The following MYO5B variants were observed in gnomAD, a reference collection of about 807,000 sequenced individuals.
MYO5B encodes the protein myosin VB.
In MYO5B, 143 loss-of-function variants were observed where a neutral mutation model predicts 229.3. The ratio of observed to expected loss-of-function variants is 0.62; its 90% CI spans 0.54 to 0.72. MYO5B has a LOEUF of 0.72. Ranked by LOEUF, MYO5B falls within the 30% of genes least tolerant of loss-of-function variation. The pLI is 0.00. For missense variants in MYO5B, 2,321 were observed against 2,331.0 expected, an observed-to-expected ratio of 1.00 and a Z score of 0.09; for synonymous variants, 918 against 885.2, an observed-to-expected ratio of 1.04 and a Z score of -0.66.
At chr18:50,129,661 A>G (rs1027868362) in intron 1 of MYO5B, among the ~76,000 whole-genome samples, 1 of 152,186 alleles carries the variant, frequency 6.6e-6, no homozygotes, top group Non-Finnish European at 1.5e-5. Context: ...AAATGTGAAG[A>G]AGTGGAATAA....
chr18:49,951,170 T>G (rs1388385091), intron 14 of MYO5B, among the ~76,000 whole-genome samples: 1 of 152,172 alleles, frequency 6.6e-6, no homozygotes, highest in Non-Finnish European at 1.5e-5. Context: ...GAAGGGACTC[T>G]TGGAAGCTTG....
Position 50,027,043 on chromosome 18 carries a change from T to C in MYO5B, c.455+9807A>G, listed in dbSNP as rs1424585100. 2.6e-5 allele frequency among the ~76,000 whole-genome samples: 4 copies of C among 152,324 alleles called. No individual in the cohort carries two copies. The East Asian group carries it at 7.7e-4, about 29-fold the overall frequency. On this transcript the variant is annotated intron_variant, in intron 4 of 39. Coordinates refer to ENST00000285039, the MANE Select transcript of MYO5B (RefSeq NM_001080467.3). ...ATTGTCAGACTAGGTTTTCAGCTGCTCTGTCTTCTGGGATATAAATGTGAA... is the reference window on the plus strand; with the variant it reads ...ATTGTCAGACTAGGTTTTCAGCTGCCCTGTCTTCTGGGATATAAATGTGAA...
chr18:50,149,863 A>T (rs2032567235), intron 1 of MYO5B, among the ~76,000 whole-genome samples: 1 of 150,684 alleles, frequency 6.6e-6, no homozygotes, highest in African/African-American at 2.4e-5. Context: ...GCTTCTGCAC[A>T]GCAAAAGAAA....
At chr18:49,992,608 T>C (rs1206471023) in intron 5 of MYO5B, among the ~76,000 whole-genome samples, 177 bp from the exon 6 acceptor site, 2 of 152,188 alleles carry the variant, frequency 1.3e-5, no homozygotes, top group Non-Finnish European at 2.9e-5. Context: ...ACTCTTCTTT[T>C]TCCAGCCTCT....
intron 1 of MYO5B, among the ~76,000 whole-genome samples, chr18:50,119,655 A>G (rs960917825): frequency 6.6e-6 from 1 of 152,084 alleles, no homozygotes; most frequent in Admixed American, 6.5e-5. Context: ...AATTATTCAC[A>G]TGTCTCCTTC....
chr18:50,115,830 G>A (rs1007561036), intron 1 of MYO5B, among the ~76,000 whole-genome samples: 1 of 150,720 alleles, frequency 6.6e-6, no homozygotes, highest in African/African-American at 2.4e-5. Context: ...GGAGGGGGGA[G>A]GGTAGTGGTA....
At chr18:50,141,303 A>G (rs555728053) in intron 1 of MYO5B, among the ~76,000 whole-genome samples, 33 of 152,296 alleles carry the variant, frequency 2.2e-4, no homozygotes, top group African/African-American at 7.7e-4. Flanking sequence ...TTTCCTAGAA[A>G]TCTCTGCATA....
intron 1 of MYO5B, among the ~76,000 whole-genome samples, chr18:50,147,449 G>A (rs80312242): frequency 1.9e-3 from 287 of 152,190 alleles, no homozygotes; most frequent in Non-Finnish European, 2.0e-3. Context: ...CAGTCCAGCC[G>A]CCACAGGGTA....
chr18:50,115,913 G>A (rs966227553), intron 1 of MYO5B, among the ~76,000 whole-genome samples: 2 of 152,052 alleles, frequency 1.3e-5, no homozygotes, highest in African/African-American at 4.8e-5. Context: ...ACTTTTAAAC[G>A]AACAGGTTTT....
In MYO5B at chr18:49,847,130, C is replaced by G. The variant is rs1028318385; in HGVS notation, c.4459+16G>C. 1 of 1,613,900 alleles carries G rather than the reference C, an allele frequency of 6.2e-7. No homozygotes were observed. Among genetic ancestry groups the G allele is most frequent in the Admixed American group, 1.7e-5 (1 of 60,004 alleles). On this transcript the variant is annotated intron_variant, in intron 33 of 39. Transcript: ENST00000285039. Reference sequence around the variant, plus strand: ...AGGAGGGGCAGGCAGCATAGGGTGGCACAGAGGGTCCTTACCTGTCACCAG... The same window carrying G: ...AGGAGGGGCAGGCAGCATAGGGTGGGACAGAGGGTCCTTACCTGTCACCAG...
intron 37 of MYO5B, 50 bp from the exon 38 acceptor site, chr18:49,836,935 A>C: frequency 1.9e-6 from 3 of 1,575,662 alleles, no homozygotes; most frequent in Non-Finnish European, 2.6e-6. Flanking sequence ...CTCCTAATTC[A>C]CTGAGAAGGG....
intron 23 of MYO5B, chr18:49,879,496 G>T: frequency 4.0e-6 from 1 of 249,290 alleles, no homozygotes; most frequent in South Asian, 5.7e-5. Flanking sequence ...GGCGACTGGG[G>T]TAAAAGGAAA....
At chr18:50,078,600 A>G (rs2031143198) in intron 1 of MYO5B, among the ~76,000 whole-genome samples, 2 of 152,240 alleles carry the variant, frequency 1.3e-5, no homozygotes, top group African/African-American at 4.8e-5. Context: ...GAAAACAAGC[A>G]TTGGCAAGGA....
At chr18:50,143,520 G>C (rs1395350969) in intron 1 of MYO5B, among the ~76,000 whole-genome samples, 1 of 152,190 alleles carries the variant, frequency 6.6e-6, no homozygotes, top group East Asian at 1.9e-4. Flanking sequence ...TGGGGCATTA[G>C]AGCGGTTGAT....
chr18:49,986,530 TG>T (rs2144303338), intron 7 of MYO5B, among the ~76,000 whole-genome samples: 1 of 152,324 alleles, frequency 6.6e-6, no homozygotes, highest in South Asian at 2.1e-4. Context: ...CCAAGGCACT[TG>T]AACTGAGAGA....
chr18:49,896,762 T>C (rs1406954838), intron 21 of MYO5B, among the ~76,000 whole-genome samples: 1 of 152,168 alleles, frequency 6.6e-6, no homozygotes, highest in Non-Finnish European at 1.5e-5. Flanking sequence ...CCAGCTGCAT[T>C]GATCTTGACA....
chr18:49,870,149 G>T (rs1204762334), intron 27 of MYO5B, among the ~76,000 whole-genome samples: 2 of 152,146 alleles, frequency 1.3e-5, no homozygotes, highest in Non-Finnish European at 2.9e-5. Flanking sequence ...AATAACTCCA[G>T]AAGGAGATCT....
At chr18:50,136,471 A>C (rs1399884674) in intron 1 of MYO5B, among the ~76,000 whole-genome samples, 2 of 151,236 alleles carry the variant, frequency 1.3e-5, no homozygotes, top group Non-Finnish European at 2.9e-5. Flanking sequence ...GTGTGCTGAC[A>C]TCTTCCCTAG....
At chr18:50,048,966 G>A (rs1389900330) in intron 2 of MYO5B, among the ~76,000 whole-genome samples, 1 of 151,018 alleles carries the variant, frequency 6.6e-6, no homozygotes, top group Non-Finnish European at 1.5e-5. Context: ...AGGTTGAAGT[G>A]TGCCGAGATT....
Sources: gnomAD v4.1 joint callset for allele counts (sites outside exome capture counted in the v4.1 genomes callset) on GRCh38, gnomAD v4.1.1 for gene constraint, MANE v1.5 for transcripts, NCBI Gene and HGNC (gene_info 2026-07-23, HGNC 2026-07-21) for gene names.